RNF180: variants seen among roughly 807,000 people sequenced by gnomAD.
RNF180 encodes ring finger protein 180.
RNF180 carries 38 observed loss-of-function variants against 59.2 expected under a neutral mutation model. That is an observed-to-expected ratio of 0.64 (90% CI 0.50 to 0.84). The LOEUF is 0.84. Ranked by LOEUF, RNF180 falls within the 40% of genes least tolerant of loss-of-function variation. The pLI, the probability that RNF180 is intolerant of heterozygous loss-of-function variation, is 0.00. For synonymous variants in RNF180, 262 were observed against 240.3 expected (o/e 1.09, Z -0.84); for missense variants, 705 against 700.9 (o/e 1.01, Z -0.07).
At chr5:64,295,904 A>T (rs189756770) in intron 5 of RNF180, among the ~76,000 whole-genome samples, 2 of 152,264 alleles carry the variant, frequency 1.3e-5, no homozygotes, top group Non-Finnish European at 2.9e-5. Context: ...AATATTCATG[A>T]TTCCTGCTTG....
At chr5:64,215,857 A>G (rs1045430323) in intron 4 of RNF180, among the ~76,000 whole-genome samples, 1 of 152,200 alleles carries the variant, frequency 6.6e-6, no homozygotes, top group African/African-American at 2.4e-5. Context: ...TGCAGATAAC[A>G]TCTGCAATTT....
At chr5:64,279,154 G>A (rs1176481412) in intron 5 of RNF180, among the ~76,000 whole-genome samples, 1 of 152,208 alleles carries the variant, frequency 6.6e-6, no homozygotes, top group Non-Finnish European at 1.5e-5. Context: ...CAAAGAGTTA[G>A]AAGCTAAAAG....
intron 5 of RNF180, among the ~76,000 whole-genome samples, chr5:64,250,480 TG>T (rs1356419358): frequency 5.9e-5 from 9 of 152,034 alleles, no homozygotes; most frequent in Non-Finnish European, 1.5e-5. Context: ...TACCAAATAT[TG>T]GGGGTTTTTT....
At chr5:64,178,699 AT>A (rs1275308134) in intron 1 of RNF180, among the ~76,000 whole-genome samples, 2 of 152,042 alleles carry the variant, frequency 1.3e-5, no homozygotes, top group Admixed American at 6.6e-5. Context: ...TTCTTAATTT[AT>A]TTTTTTATAT....
At chr5:64,305,476 G>T (rs1296621468) in intron 5 of RNF180, among the ~76,000 whole-genome samples, 5 of 150,752 alleles carry the variant, frequency 3.3e-5, no homozygotes, top group Non-Finnish European at 7.4e-5. Context: ...GCATGTTACT[G>T]AATTTTTTTT....
intron 5 of RNF180, among the ~76,000 whole-genome samples, chr5:64,225,659 G>C (rs1334612320): frequency 7.3e-6 from 1 of 137,394 alleles, no homozygotes; most frequent in Non-Finnish European, 1.6e-5. Context: ...AGTGAGGAGC[G>C]CCTCTGCCCG....
intron 5 of RNF180, among the ~76,000 whole-genome samples, chr5:64,300,338 T>C (rs1743095627): frequency 6.6e-6 from 1 of 151,854 alleles, no homozygotes; most frequent in Non-Finnish European, 1.5e-5. Context: ...CACAGACAGT[T>C]CCTGACTTAA....
At chr5:64,340,577 G>A (rs911040777) in intron 7 of RNF180, among the ~76,000 whole-genome samples, 2 of 152,180 alleles carry the variant, frequency 1.3e-5, no homozygotes, top group Admixed American at 6.5e-5. Context: ...GAAAGTTGGA[G>A]GTAAGTCAGA....
At chr5:64,288,968 C>T (rs1230037400) in intron 5 of RNF180, among the ~76,000 whole-genome samples, 5 of 152,074 alleles carry the variant, frequency 3.3e-5, no homozygotes, top group African/African-American at 9.7e-5. Context: ...TATCTTGTAC[C>T]GGTTTTCAAG....
chr5:64,196,548 T>C (rs1263453790), intron 1 of RNF180, among the ~76,000 whole-genome samples: 1 of 152,090 alleles, frequency 6.6e-6, no homozygotes, highest in Non-Finnish European at 1.5e-5. Context: ...TATTGAATAG[T>C]TTTTCACCCA....
chr5:64,185,449 G>A (rs1002707111), intron 1 of RNF180, among the ~76,000 whole-genome samples: 8 of 152,106 alleles, frequency 5.3e-5, no homozygotes, highest in Admixed American at 1.3e-4. Flanking sequence ...TTGTAGAAGC[G>A]TATTGTATAC....
intron 5 of RNF180, among the ~76,000 whole-genome samples, chr5:64,226,685 A>T (rs571605349): frequency 6.6e-6 from 1 of 152,120 alleles, no homozygotes; most frequent in African/African-American, 2.4e-5. Flanking sequence ...AAAAGAAAAA[A>T]TTTTTGTTGT....
chr5:64,235,151 G>C (rs1234514957), intron 5 of RNF180, among the ~76,000 whole-genome samples: 3 of 151,998 alleles, frequency 2.0e-5, no homozygotes, highest in Admixed American at 6.6e-5. Context: ...GGGCATGTTG[G>C]CCTGCACTGT....
chr5:64,242,226 C>A (rs569864997), intron 5 of RNF180, among the ~76,000 whole-genome samples: 15 of 152,364 alleles, frequency 9.8e-5, no homozygotes, highest in African/African-American at 3.6e-4. Context: ...GGCACCCCAG[C>A]ACCACCTACA....
chr5:64,330,685 A>G (rs1228505190), intron 7 of RNF180, among the ~76,000 whole-genome samples: 1 of 152,232 alleles, frequency 6.6e-6, no homozygotes, highest in Non-Finnish European at 1.5e-5. Context: ...ATACGTCTCA[A>G]AAGTATCAGA....
chr5:64,183,983 G>A (rs1750747618), intron 1 of RNF180, among the ~76,000 whole-genome samples: 2 of 152,166 alleles, frequency 1.3e-5, no homozygotes, highest in African/African-American at 2.4e-5. Flanking sequence ...TGAAAGAGGT[G>A]ATTAAGTTAA....
chr5:64,261,911 G>A (rs28535729), intron 5 of RNF180, among the ~76,000 whole-genome samples: 39,112 of 151,992 alleles, frequency 0.26, 5,175 homozygotes, highest in Middle Eastern at 0.32. Flanking sequence ...GGTATACCTC[G>A]ATTGGATTCT....
At chr5:64,291,732 G>C (rs1194284770) in intron 5 of RNF180, among the ~76,000 whole-genome samples, 1 of 152,030 alleles carries the variant, frequency 6.6e-6, no homozygotes, top group Non-Finnish European at 1.5e-5. Flanking sequence ...CGGCCCTGAA[G>C]TATGTTTTCT....
chr5:64,306,065 AG>A (rs1432634537), intron 5 of RNF180, among the ~76,000 whole-genome samples: 2 of 151,740 alleles, frequency 1.3e-5, no homozygotes, highest in African/African-American at 4.8e-5. Context: ...AATTAGCTAT[AG>A]AAAAATCTAA....
Sources: allele counts gnomAD v4.1 joint callset (sites outside exome capture counted in the v4.1 genomes callset), GRCh38; gene constraint gnomAD v4.1.1; transcripts MANE v1.5; gene names NCBI Gene and HGNC (gene_info 2026-07-23, HGNC 2026-07-21).